Variants in CACNA1C observed in about 807,000 individuals in gnomAD.
CACNA1C encodes the protein calcium voltage-gated channel subunit alpha1 C, also known as voltage-dependent L-type calcium channel subunit alpha-1C.
Under a neutral mutation model 229.0 loss-of-function variants are expected in CACNA1C, and 30 were observed. That is an observed-to-expected ratio of 0.13 (90% CI 0.10 to 0.18). CACNA1C has a LOEUF of 0.18. CACNA1C is among the 10% of genes least tolerant of loss of function. The probability of loss-of-function intolerance (pLI) is 1.00; values close to 1 mark genes in which losing one functional copy is unlikely to be tolerated. For synonymous variants in CACNA1C, 1,114 were observed against 1,132.5 expected, an observed-to-expected ratio of 0.98 and a Z score of 0.33; for missense variants, 1,658 against 2,845.0, an observed-to-expected ratio of 0.58 and a Z score of 9.49.
At position 2,493,074 on chromosome 12, in the gene CACNA1C, G is replaced by A. The variant is rs1192473600; in HGVS notation, c.917-116G>A. 5 of 777,470 alleles carry A rather than the reference G, an allele frequency of 6.4e-6. No individual in the cohort carries two copies. The highest frequency in any genetic ancestry group is 8.6e-6 in the Non-Finnish European group (4 of 465,450). 48.2% of individuals were successfully genotyped at this position (777,470 alleles called of 1,614,324 possible). ...CATGTCTTGCGCTGTTGTTGCCATG[G>A]TTGCTTTGCCCATCCCATCAACCTC... On this transcript the variant is annotated intron_variant, in intron 6 of 46. Transcript: ENST00000399655. The surrounding 1 kb of genome is among the most constrained non-coding windows in gnomAD (Gnocchi z 4.6).
chr12:2,451,616 G>T (rs1326374455), intron 4 of CACNA1C, among the ~76,000 whole-genome samples: 2 of 152,210 alleles, frequency 1.3e-5, no homozygotes, highest in Non-Finnish European at 2.9e-5. Context: ...TGACAGGGAG[G>T]CAGTGCAGTG....
chr12:2,570,431 G>A (rs1462964297), intron 13 of CACNA1C, among the ~76,000 whole-genome samples: 2 of 152,038 alleles, frequency 1.3e-5, no homozygotes, highest in Admixed American at 6.6e-5. Context: ...GACATTTAAA[G>A]TGTTTCATTT....
At chr12:2,183,246 C>CAAA (rs74801864) in intron 3 of CACNA1C, among the ~76,000 whole-genome samples, 8 of 146,218 alleles carry the variant, frequency 5.5e-5, no homozygotes, top group African/African-American at 2.0e-4. Flanking sequence ...ATTCCTGGCT[C>CAAA]AAAAAAAAAA....
At chr12:2,541,132 A>G (rs1381110113) in intron 9 of CACNA1C, among the ~76,000 whole-genome samples, 2 of 152,128 alleles carry the variant, frequency 1.3e-5, no homozygotes, top group East Asian at 3.9e-4. Flanking sequence ...TCATGACCTC[A>G]TCTTAATCTA....
At chr12:2,138,764 G>A (rs1260543354) in intron 3 of CACNA1C, among the ~76,000 whole-genome samples, 2 of 151,110 alleles carry the variant, frequency 1.3e-5, no homozygotes, top group Non-Finnish European at 3.0e-5. Flanking sequence ...CATGCCTCTT[G>A]TGCGGCCTGC....
intron 5 of CACNA1C, among the ~76,000 whole-genome samples, chr12:2,477,669 G>C (rs551186667): frequency 6.6e-6 from 1 of 152,256 alleles, no homozygotes; most frequent in Non-Finnish European, 1.5e-5. Flanking sequence ...TCTGTCCCCA[G>C]ATCCTTCCCT....
chr12:2,549,662 G>GT (rs1228150864), intron 9 of CACNA1C, among the ~76,000 whole-genome samples: 1 of 152,188 alleles, frequency 6.6e-6, no homozygotes, highest in East Asian at 1.9e-4. Context: ...TCAATGGTCA[G>GT]TTTTTTCAGG....
rs1174119785 is a variant in CACNA1C at position 2,694,862 on chromosome 12, C to T, written c.*3663C>T. 6.6e-6 allele frequency: 1 copy of T among 152,184 alleles called. No individual in the cohort carries two copies. The highest frequency in any genetic ancestry group is 1.9e-4 in the East Asian group (1 of 5,194). 9.4% of individuals were successfully genotyped at this position (152,184 alleles called of 1,614,324 possible). The stretch of plus-strand genomic sequence containing the variant: ...TCCTGAAGATACACAGCCACCACTC[C>T]TAAAGGCAAAGAAAGAAAACACGAA... On this transcript the variant is annotated 3_prime_UTR_variant, in exon 47 of 47. Transcript: ENST00000399655.
chr12:2,607,909 A>G (rs1247556841), intron 26 of CACNA1C: 1 of 152,456 alleles, frequency 6.6e-6, no homozygotes, highest in Non-Finnish European at 1.5e-5. Context: ...AGTGCTGTGC[A>G]GGGCTACAGA....
At chr12:2,610,511 C>G in intron 27 of CACNA1C, 30 bp from the exon 28 acceptor site, 1 of 1,595,946 alleles carries the variant, frequency 6.3e-7, no homozygotes, top group South Asian at 1.1e-5. Context: ...TAACTAACCC[C>G]ACTCTCCCCA....
At chr12:2,571,177 A>G (rs373825398) in intron 13 of CACNA1C, among the ~76,000 whole-genome samples, 1 of 152,196 alleles carries the variant, frequency 6.6e-6, no homozygotes, top group East Asian at 1.9e-4. Context: ...CAGTTGCCCA[A>G]GGTCACAAAA....
At chr12:2,216,998 G>A (rs958213360) in intron 3 of CACNA1C, among the ~76,000 whole-genome samples, 24 of 152,220 alleles carry the variant, frequency 1.6e-4, no homozygotes, top group African/African-American at 5.8e-4. Context: ...AAAAGCAGAT[G>A]CAATCCAAGT....
chr12:2,643,333 G>A (rs1194436400), intron 30 of CACNA1C, among the ~76,000 whole-genome samples: 1 of 152,138 alleles, frequency 6.6e-6, no homozygotes, highest in Non-Finnish European at 1.5e-5. Context: ...CCTGCCCTTT[G>A]TTTGTCTTCT....
intron 3 of CACNA1C, among the ~76,000 whole-genome samples, chr12:2,303,151 T>C (rs1398130595): frequency 6.6e-6 from 1 of 152,224 alleles, no homozygotes; most frequent in African/African-American, 2.4e-5. Flanking sequence ...GACTCGTGAA[T>C]GTGGCTTCCG....
At chr12:2,516,011 G>A (rs1481676878) in intron 9 of CACNA1C, among the ~76,000 whole-genome samples, 3 of 149,542 alleles carry the variant, frequency 2.0e-5, no homozygotes, top group African/African-American at 5.0e-5. Flanking sequence ...TTAGATTCTA[G>A]TAGAGAGACA....
chr12:2,527,012 C>T (rs2099819587), intron 9 of CACNA1C, among the ~76,000 whole-genome samples: 1 of 152,092 alleles, frequency 6.6e-6, no homozygotes, highest in African/African-American at 2.4e-5. Flanking sequence ...AAAGGTTTAT[C>T]CTTTCTGAAT....
chr12:2,540,192 C>T (rs1219878101), intron 9 of CACNA1C, among the ~76,000 whole-genome samples: 1 of 152,158 alleles, frequency 6.6e-6, no homozygotes, highest in Non-Finnish European at 1.5e-5. Flanking sequence ...CCTGGAGCAC[C>T]AGGCCTGGGG....
chr12:2,018,851 G>C (rs1001800004), intron 1 of CACNA1C, among the ~76,000 whole-genome samples: 1 of 152,142 alleles, frequency 6.6e-6, no homozygotes, highest in Non-Finnish European at 1.5e-5. Context: ...TTTCCCTTAC[G>C]ATAACATTGG....
At chr12:2,264,527 C>T (rs1027911826) in intron 3 of CACNA1C, among the ~76,000 whole-genome samples, 1 of 152,222 alleles carries the variant, frequency 6.6e-6, no homozygotes, top group Non-Finnish European at 1.5e-5. Context: ...TCACTTAACC[C>T]TTGCAATCAT....
Sources: gnomAD v4.1 joint callset for allele counts (sites outside exome capture counted in the v4.1 genomes callset) on GRCh38, gnomAD v4.1.1 for gene constraint, Gnocchi (gnomAD v3.1) non-coding constraint, MANE v1.5 for transcripts, NCBI Gene and HGNC (gene_info 2026-07-23, HGNC 2026-07-21) for gene names.